Variants in USP8 observed in about 807,000 individuals in gnomAD.
USP8 encodes the protein ubiquitin specific peptidase 8, also known as ubiquitin carboxyl-terminal hydrolase 8.
Under a neutral mutation model 130.0 loss-of-function variants are expected in USP8, and 27 were observed. The ratio of observed to expected loss-of-function variants is 0.21; its 90% CI spans 0.15 to 0.29. The LOEUF is 0.29. USP8 is among the 10% of genes least tolerant of loss of function. The probability of loss-of-function intolerance (pLI) is 1.00; values close to 1 mark genes in which losing one functional copy is unlikely to be tolerated. For synonymous variants in USP8, 392 were observed against 444.1 expected (o/e 0.88, Z 1.48); for missense variants, 1,029 against 1,312.2 (o/e 0.78, Z 3.33).
At chr15:50,430,020 T>C (rs1461431764) in intron 1 of USP8, among the ~76,000 whole-genome samples, 1 of 152,248 alleles carries the variant, frequency 6.6e-6, no homozygotes, top group Non-Finnish European at 1.5e-5. Flanking sequence ...TGGCCTGGTT[T>C]GCTAAGTGCC....
intron 12 of USP8, 144 bp from the exon 13 acceptor site, chr15:50,489,657 T>C: frequency 4.7e-6 from 2 of 429,192 alleles, no homozygotes; most frequent in Non-Finnish European, 8.0e-6. Flanking sequence ...TCTGAATCTG[T>C]TTTTTAAAAT....
chr15:50,484,532 A>G, intron 12 of USP8, among the ~76,000 whole-genome samples, 171 bp downstream of exon 12: 1 of 152,192 alleles, frequency 6.6e-6, no homozygotes, highest in East Asian at 1.9e-4. Context: ...CAATCCATTT[A>G]TATGCTAAAG....
chr15:50,490,977 A>G (rs946989453), intron 14 of USP8, among the ~76,000 whole-genome samples: 11 of 152,198 alleles, frequency 7.2e-5, no homozygotes, highest in African/African-American at 2.7e-4. Flanking sequence ...ACTTTAGTAT[A>G]TCATCCTCTA....
chr15:50,490,298 T>C lies in USP8; in HGVS notation c.2007T>C (p.Tyr669=). The C allele has an allele frequency of 6.2e-7, 1 of 1,613,956 alleles. No individual in the cohort carries two copies. The highest frequency in any genetic ancestry group is 1.3e-5 in the African/African-American group (1 of 74,972). ...LDPITGTFRY[Y]HSPTNTVHMY... Reference sequence around the variant, plus strand: ...CAATCACTGGAACCTTTCGTTATTATCATTCACCCACCAACACTGTTCATA... The same window carrying C: ...CAATCACTGGAACCTTTCGTTATTACCATTCACCCACCAACACTGTTCATA... The change falls in exon 14 of 20, where the codon TAT becomes TAC. Residue 669 remains tyrosine, a synonymous_variant. Transcript: ENST00000307179.
intron 1 of USP8, among the ~76,000 whole-genome samples, chr15:50,430,271 G>A (rs4775885): frequency 2.0e-5 from 3 of 151,984 alleles, no homozygotes; most frequent in Non-Finnish European, 2.9e-5. Context: ...CGCTTGAACC[G>A]GGGAGGTGGA....
At chr15:50,433,925 C>G (rs1017980103) in intron 1 of USP8, among the ~76,000 whole-genome samples, 2 of 152,136 alleles carry the variant, frequency 1.3e-5, no homozygotes, top group African/African-American at 4.8e-5. Flanking sequence ...TTTGTTAACT[C>G]ATTTTCAACA....
intron 1 of USP8, among the ~76,000 whole-genome samples, chr15:50,429,522 AT>A (rs35277450): frequency 0.14 from 21,152 of 152,066 alleles, 1,962 homozygotes; most frequent in Middle Eastern, 0.28. Flanking sequence ...GTTAGAATTC[AT>A]TTGGGAAGCT....
intron 4 of USP8, among the ~76,000 whole-genome samples, chr15:50,454,096 T>G (rs2050712313): frequency 6.6e-6 from 1 of 152,118 alleles, no homozygotes. Flanking sequence ...ATTCCTGACT[T>G]CAGGTGATCC....
chr15:50,467,848 C>G (rs776323899), intron 7 of USP8, among the ~76,000 whole-genome samples: 2 of 151,646 alleles, frequency 1.3e-5, no homozygotes, highest in Non-Finnish European at 2.9e-5. Flanking sequence ...TGAGCCATTG[C>G]ACCCGGCCTA....
chr15:50,454,640 A>G (rs1041693800), intron 4 of USP8, among the ~76,000 whole-genome samples: 17 of 151,630 alleles, frequency 1.1e-4, no homozygotes, highest in African/African-American at 4.1e-4. Flanking sequence ...TTTTTACTAG[A>G]GATAGGGGTT....
chr15:50,483,834 G>A (rs542828530), intron 11 of USP8, among the ~76,000 whole-genome samples: 4 of 151,792 alleles, frequency 2.6e-5, no homozygotes, highest in African/African-American at 9.7e-5. Flanking sequence ...AAGAAGATAT[G>A]AATATAGATT....
chr15:50,453,351 CTTTATAA>C (rs1207066774), intron 4 of USP8, among the ~76,000 whole-genome samples: 1 of 152,162 alleles, frequency 6.6e-6, no homozygotes, highest in African/African-American at 2.4e-5. Context: ...CCCAGTAGAA[CTTTATAA>C]TTTATTTTGA....
At chr15:50,450,860 C>G (rs891759923) in intron 4 of USP8, among the ~76,000 whole-genome samples, 2 of 152,064 alleles carry the variant, frequency 1.3e-5, no homozygotes, top group African/African-American at 4.8e-5. Flanking sequence ...CTGCCTGTAT[C>G]TGTAGCATAA....
rs543068240 is a variant in USP8 at position 50,467,410 on chromosome 15, G to C, written c.686+2219G>C. Among the ~76,000 whole-genome samples, 65 of 152,272 alleles carry C rather than the reference G, an allele frequency of 4.3e-4. 1 individual carries two copies. In the South Asian group the frequency reaches 0.013, roughly 31 times the overall value. ...TTTATGTTACAGTCCTTTTGAGTTA[G>C]TTTAAAGGAGTTTCAGTTTGGTGCT... On this transcript the variant is annotated intron_variant, in intron 7 of 19. Coordinates refer to ENST00000307179, the MANE Select transcript of USP8 (RefSeq NM_005154.5).
intron 7 of USP8, among the ~76,000 whole-genome samples, chr15:50,468,709 C>G (rs2051280260): frequency 6.6e-6 from 1 of 152,108 alleles, no homozygotes; most frequent in Admixed American, 6.6e-5. Context: ...CTCTTACACT[C>G]CCCCCTCAAG....
intron 10 of USP8, among the ~76,000 whole-genome samples, chr15:50,477,980 G>A (rs2051627279): frequency 6.6e-6 from 1 of 152,084 alleles, no homozygotes; most frequent in Non-Finnish European, 1.5e-5. Flanking sequence ...TCATAATTCA[G>A]CATTACCGCC....
intron 3 of USP8, among the ~76,000 whole-genome samples, chr15:50,443,593 C>T (rs894433628): frequency 2.0e-5 from 3 of 152,040 alleles, no homozygotes; most frequent in African/African-American, 7.2e-5. Flanking sequence ...AAGCGGTTCT[C>T]CTGCCTCAGC....
chr15:50,452,860 T>C (rs1320145683), intron 4 of USP8, among the ~76,000 whole-genome samples: 1 of 152,214 alleles, frequency 6.6e-6, no homozygotes, highest in Non-Finnish European at 1.5e-5. Flanking sequence ...TTCGTTGTTA[T>C]TAACAGTGGA....
At chr15:50,450,576 A>G (rs1283532477) in intron 4 of USP8, among the ~76,000 whole-genome samples, 1 of 144,688 alleles carries the variant, frequency 6.9e-6, no homozygotes, top group African/African-American at 2.6e-5. Flanking sequence ...GGTTCAAGTC[A>G]TTCTCCTGCC....
Sources: gnomAD v4.1 joint callset for allele counts (sites outside exome capture counted in the v4.1 genomes callset) on GRCh38, gnomAD v4.1.1 for gene constraint, MANE v1.5 for transcripts, NCBI Gene and HGNC (gene_info 2026-07-23, HGNC 2026-07-21) for gene names.